The following COL12A1 variants were observed in gnomAD, a reference collection of about 807,000 sequenced individuals.
COL12A1 encodes the protein collagen type XII alpha 1 chain.
COL12A1 carries 114 observed loss-of-function variants against 349.7 expected under a neutral mutation model. The ratio of observed to expected loss-of-function variants is 0.33; its 90% CI spans 0.28 to 0.38. The LOEUF (loss-of-function observed/expected upper bound fraction) is 0.38. Among genes scored for constraint, COL12A1 ranks in the 10% least tolerant of loss-of-function variants. The pLI is 1.00. For missense variants in COL12A1, 3,284 were observed against 3,756.9 expected (o/e 0.87, Z 3.29); for synonymous variants, 1,369 against 1,329.0 (o/e 1.03, Z -0.66).
At chr6:75,187,011 C>T (rs1769659296) in intron 8 of COL12A1, among the ~76,000 whole-genome samples, 1 of 151,914 alleles carries the variant, frequency 6.6e-6, no homozygotes, top group African/African-American at 2.4e-5. Flanking sequence ...GGAAAAATAA[C>T]TAATGGGTAC....
intron 54 of COL12A1, 97 bp from the exon 55 acceptor site, chr6:75,103,907 A>C: frequency 3.6e-6 from 3 of 832,856 alleles, no homozygotes; most frequent in Non-Finnish European, 5.7e-6. Flanking sequence ...TTTCCAGACA[A>C]TTATTATTCT....
Position 75,091,214 on chromosome 6 carries a change from A to C in COL12A1, c.8752+109T>G, listed in dbSNP as rs540177129. 5.8e-6 allele frequency: 5 copies of C among 855,144 alleles called. No individual in the cohort carries two copies. In the East Asian group the frequency reaches 1.0e-4, roughly 17 times the overall value. 53.0% of individuals were successfully genotyped at this position (855,144 alleles called of 1,614,324 possible). The stretch of plus-strand genomic sequence containing the variant: ...ATGTATAAGAACAAAAGCTTATCAA[A>C]TGAAATGAAAGAGAAATCTATCTCT... On this transcript the variant is annotated intron_variant, in intron 62 of 65. Coordinates refer to ENST00000322507, the MANE Select transcript of COL12A1 (RefSeq NM_004370.6).
chr6:75,154,588 G>T, intron 16 of COL12A1, 51 bp from the exon 17 acceptor site: 2 of 1,516,266 alleles, frequency 1.3e-6, no homozygotes, highest in South Asian at 1.3e-5. Flanking sequence ...GGCTCAAGTG[G>T]TAGCACTTTT....
intron 64 of COL12A1, 99 bp downstream of exon 64, chr6:75,089,007 A>G (rs1029567016): frequency 3.1e-6 from 3 of 967,656 alleles, no homozygotes; most frequent in South Asian, 3.0e-5. Flanking sequence ...TCTCAAAAAC[A>G]AAAAAAAGAA....
chr6:75,131,014 C>A, intron 35 of COL12A1, 33 bp from the exon 36 acceptor site: 1 of 1,613,746 alleles, frequency 6.2e-7, no homozygotes, highest in Non-Finnish European at 8.5e-7. Flanking sequence ...TTCTGCCTGA[C>A]AACAACTCAA....
intron 2 of COL12A1, among the ~76,000 whole-genome samples, chr6:75,200,824 C>T (rs1306999038): frequency 6.6e-6 from 1 of 151,496 alleles, no homozygotes; most frequent in African/African-American, 2.4e-5. Context: ...TGGCTCATAC[C>T]ATATTTCTAT....
chr6:75,118,806 T>C (rs561642088), intron 46 of COL12A1, among the ~76,000 whole-genome samples: 8 of 152,292 alleles, frequency 5.3e-5, no homozygotes, highest in Non-Finnish European at 1.0e-4. Context: ...TATGGGAAAA[T>C]GTGGTTTGCC....
intron 2 of COL12A1, among the ~76,000 whole-genome samples, chr6:75,196,984 T>C (rs1318195144): frequency 1.3e-5 from 2 of 152,180 alleles, no homozygotes; most frequent in Non-Finnish European, 2.9e-5. Flanking sequence ...GAAACTGTGA[T>C]ATGTGAGAAT....
chr6:75,143,396 A>T lies in COL12A1; in HGVS notation c.4691-8T>A, dbSNP rs760400763. On this transcript the variant is annotated splice_polypyrimidine_tract_variant and splice_region_variant and intron_variant, in intron 25 of 65. Transcript: ENST00000322507. ...GAGGTCTGGGTAAAGGCACTAGAGA[A>T]GCACGAGATATTAAATCCAGATGTG... 4 of 1,611,680 alleles carry T rather than the reference A, an allele frequency of 2.5e-6. No homozygotes were observed. The South Asian group carries it at 4.4e-5, about 18-fold the overall frequency.
intron 47 of COL12A1, 98 bp from the exon 48 acceptor site, chr6:75,116,155 G>GA: frequency 1.4e-5 from 16 of 1,134,084 alleles, no homozygotes; most frequent in Non-Finnish European, 1.9e-5. Context: ...AGTAATAAAT[G>GA]ACATTGTTCA....
rs773807635 is a variant in COL12A1 at position 75,133,908 on chromosome 6, G to C, written c.5614C>G (p.Arg1872Gly). 5.0e-6 allele frequency: 8 copies of C among 1,613,880 alleles called. No homozygotes were observed. The highest frequency in any genetic ancestry group is 6.8e-6 in the Non-Finnish European group (8 of 1,179,972). ...GGTGCATAGAAGAGCTTGTACTGAC[G>C]AGGATTTCCCTCTGCATGGTCCCAG... is the stretch of plus-strand genomic sequence containing the variant. ...VRWDHAEGNP[R>G]QYKLFYAPAA... The change falls in exon 33 of 66, where the codon CGT becomes GGT. Residue 1872 changes from arginine to glycine, a missense_variant. Around this residue, in one of 2 missense-constraint regions of COL12A1, gnomAD observed 2,601 missense variants for 2,824.8 expected, o/e 0.92. Transcript: ENST00000322507.
intron 15 of COL12A1, 28 bp downstream of exon 15, chr6:75,156,229 C>A: frequency 6.2e-7 from 1 of 1,609,204 alleles, no homozygotes; most frequent in South Asian, 1.1e-5. Context: ...CCTTCTCTCC[C>A]CCTCAAAATA....
At chr6:75,157,406 T>C (rs1767817487) in intron 14 of COL12A1, among the ~76,000 whole-genome samples, 1 of 151,044 alleles carries the variant, frequency 6.6e-6, no homozygotes, top group South Asian at 2.1e-4. Flanking sequence ...CGTGTTCAAG[T>C]GGTCAAGAGC....
At chr6:75,133,833 A>G (rs751875748) in intron 33 of COL12A1, 25 bp downstream of exon 33, 3 of 1,613,144 alleles carry the variant, frequency 1.9e-6, no homozygotes, top group African/African-American at 1.3e-5. Context: ...ACAAACTAGC[A>G]TTTTTTACTA....
Position 75,116,064 on chromosome 6 carries a change from T to C in COL12A1, c.7520-7A>G. 2 of 1,613,100 alleles carry C rather than the reference T, an allele frequency of 1.2e-6. No individual in the cohort carries two copies. The highest frequency in any genetic ancestry group is 2.2e-5 in the South Asian group (2 of 91,044). On this transcript the variant is annotated splice_region_variant and splice_polypyrimidine_tract_variant and intron_variant, in intron 47 of 65. Coordinates refer to ENST00000322507, the MANE Select transcript of COL12A1 (RefSeq NM_004370.6). ...AAATAAATGAGAGGACAACCTGCAATGTACAGTGTTCTTTAAGTATGATTC... is the reference window on the plus strand; with the variant it reads ...AAATAAATGAGAGGACAACCTGCAACGTACAGTGTTCTTTAAGTATGATTC...
chr6:75,120,476 G>A (rs1460294148), intron 44 of COL12A1, among the ~76,000 whole-genome samples: 1 of 152,066 alleles, frequency 6.6e-6, no homozygotes, highest in African/African-American at 2.4e-5. Flanking sequence ...GGAGAGAATT[G>A]TTTTTTAAAA....
chr6:75,188,576 G>A (rs1244305649), intron 7 of COL12A1, 41 bp from the exon 8 acceptor site: 1 of 1,592,082 alleles, frequency 6.3e-7, no homozygotes, highest in Non-Finnish European at 8.5e-7. Flanking sequence ...AATGGGAAAT[G>A]TGCCAACTGA....
In COL12A1 at chr6:75,170,722, G is replaced by C. The variant is rs180720140; in HGVS notation, c.2710+4316C>G. 3.9e-5 allele frequency among the ~76,000 whole-genome samples: 6 copies of C among 152,302 alleles called. No individual in the cohort carries two copies. In the East Asian group the frequency reaches 1.2e-3, roughly 29 times the overall value. On this transcript the variant is annotated intron_variant, in intron 13 of 65. Transcript: ENST00000322507. Reference sequence around the variant, plus strand: ...ACGTCAGAGTTATTATACCCAGAATGTATGATTTTTCAAATTATGAGACAG... The same window carrying C: ...ACGTCAGAGTTATTATACCCAGAATCTATGATTTTTCAAATTATGAGACAG...
chr6:75,095,047 T>G (rs1233039188), intron 60 of COL12A1, 61 bp downstream of exon 60: 18 of 1,423,576 alleles, frequency 1.3e-5, no homozygotes, highest in Admixed American at 3.5e-5. Context: ...AGCTTTGCAG[T>G]TCTCATTATT....
Sources: allele counts gnomAD v4.1 joint callset (sites outside exome capture counted in the v4.1 genomes callset), GRCh38; gene constraint gnomAD v4.1.1; regional missense constraint gnomAD v4.1.1; transcripts MANE v1.5; gene names NCBI Gene and HGNC (gene_info 2026-07-23, HGNC 2026-07-21).